EXOC2: variants seen among roughly 807,000 people sequenced by gnomAD.
The protein encoded by EXOC2 is SEC5-like 1.
EXOC2 carries 70 observed loss-of-function variants against 131.8 expected under a neutral mutation model. The ratio of observed to expected loss-of-function variants is 0.53; its 90% CI spans 0.44 to 0.65. The LOEUF (loss-of-function observed/expected upper bound fraction) is 0.65. Ranked by LOEUF, EXOC2 falls within the 30% of genes least tolerant of loss-of-function variation. EXOC2 has a pLI of 0.00. For synonymous variants in EXOC2, 411 were observed against 398.4 expected (o/e 1.03, Z -0.38); for missense variants, 923 against 1,108.6 (o/e 0.83, Z 2.38).
At chr6:572,322 C>T (rs1239544043) in intron 13 of EXOC2, among the ~76,000 whole-genome samples, 198 bp downstream of exon 13, 3 of 152,210 alleles carry the variant, frequency 2.0e-5, no homozygotes, top group Non-Finnish European at 4.4e-5. Context: ...TCTTTTTGTA[C>T]ATGAGGAAAA....
At chr6:499,726 G>A (rs776409259) in intron 23 of EXOC2, 26 bp from the exon 24 acceptor site, 2 of 1,601,068 alleles carry the variant, frequency 1.2e-6, no homozygotes, top group East Asian at 2.2e-5. Context: ...AGGAGAGAAA[G>A]AAGGCATTAA....
At chr6:643,066 G>A (rs554304945) in intron 1 of EXOC2, among the ~76,000 whole-genome samples, 2 of 152,102 alleles carry the variant, frequency 1.3e-5, no homozygotes, top group Non-Finnish European at 2.9e-5. Flanking sequence ...TCATCAGAAA[G>A]ACATAACAAT....
intron 22 of EXOC2, among the ~76,000 whole-genome samples, chr6:538,636 A>G (rs1341587799): frequency 2.6e-5 from 4 of 152,200 alleles, no homozygotes; most frequent in South Asian, 4.1e-4. Context: ...TTTAAAAAAG[A>G]TAACAATTTA....
intron 1 of EXOC2, among the ~76,000 whole-genome samples, chr6:639,846 A>G (rs1150886): frequency 0.71 from 107,716 of 152,026 alleles, 38,803 homozygotes; most frequent in Middle Eastern, 0.88. Context: ...GGGCAGACAC[A>G]TTTCTTTAAT....
rs1453642858 is a variant in EXOC2 at position 576,887 on chromosome 6, G to C, written c.1193-5C>G. On this transcript the variant is annotated splice_region_variant and splice_polypyrimidine_tract_variant and intron_variant, in intron 11 of 27. Transcript: ENST00000230449. ...GACTGTGCAGGCCTGGGTTACCTGG[G>C]GAAGAAAGGAGAGATATACAGAGTA... The C allele has an allele frequency of 6.2e-6, 10 of 1,613,620 alleles. No individual in the cohort carries two copies. The highest frequency in any genetic ancestry group is 8.5e-6 in the Non-Finnish European group (10 of 1,179,792).
chr6:590,469 T>C (rs1027328297), intron 11 of EXOC2, among the ~76,000 whole-genome samples: 6 of 152,104 alleles, frequency 3.9e-5, no homozygotes, highest in African/African-American at 1.4e-4. Flanking sequence ...AACGGCGACC[T>C]CTCCATTGTA....
intron 1 of EXOC2, among the ~76,000 whole-genome samples, chr6:643,310 T>C (rs1339915177): frequency 1.3e-5 from 2 of 151,726 alleles, no homozygotes; most frequent in Admixed American, 6.6e-5. Context: ...TTCACCAAGA[T>C]AGACGATATG....
chr6:691,110 T>A (rs949187244), intron 1 of EXOC2, among the ~76,000 whole-genome samples: 4 of 152,248 alleles, frequency 2.6e-5, no homozygotes, highest in Non-Finnish European at 4.4e-5. Context: ...CAGCACTTCC[T>A]GTATGGCCTA....
intron 1 of EXOC2, among the ~76,000 whole-genome samples, chr6:665,079 A>C (rs1763580695): frequency 6.6e-6 from 1 of 152,210 alleles, no homozygotes; most frequent in Non-Finnish European, 1.5e-5. Context: ...AAGTCAAACA[A>C]ATCTGTAAGA....
chr6:600,110 C>T (rs536084466), intron 7 of EXOC2, among the ~76,000 whole-genome samples: 34 of 152,320 alleles, frequency 2.2e-4, no homozygotes, highest in Middle Eastern at 3.4e-3. Context: ...TTGCCTCAGT[C>T]TCACTGGGTG....
intron 1 of EXOC2, among the ~76,000 whole-genome samples, chr6:683,490 C>T (rs1336634307): frequency 6.6e-6 from 1 of 152,170 alleles, no homozygotes; most frequent in Non-Finnish European, 1.5e-5. Context: ...ATGAAATAAA[C>T]CAATATCACC....
In EXOC2 at chr6:506,070, C is replaced by G. The variant is rs149482921; in HGVS notation, c.2381-6370G>C. On this transcript the variant is annotated intron_variant, in intron 23 of 27. Transcript: ENST00000230449. This position sits in a 1 kb window ranked among gnomAD's most constrained non-coding sequence, Gnocchi z 4.4. ...TTCCTTGGGAAAGCATACAATCTCT[C>G]GCTTCTCACAAAGACAGTCCTTTTG... 6.6e-6 allele frequency among the ~76,000 whole-genome samples: 1 copy of G among 152,210 alleles called. No individual in the cohort carries two copies. Among genetic ancestry groups the G allele is most frequent in the Non-Finnish European group, 1.5e-5 (1 of 68,020 alleles).
chr6:622,310 G>A (rs1761333494), intron 4 of EXOC2, among the ~76,000 whole-genome samples: 1 of 152,146 alleles, frequency 6.6e-6, no homozygotes, highest in Admixed American at 6.5e-5. Context: ...CTTCACACCT[G>A]ATTTAAGTAC....
rs1764542704 is a variant in EXOC2 at position 506,466 on chromosome 6, CATT to C, written c.2381-6769_2381-6767del. Among the ~76,000 whole-genome samples, 1 of 152,298 alleles carries C rather than the reference CATT, an allele frequency of 6.6e-6. No individual in the cohort carries two copies. Among genetic ancestry groups the C allele is most frequent in the Non-Finnish European group, 1.5e-5 (1 of 68,026 alleles). ...ATTTGCTCCTTGGAGTTAAAGGCTA[CATT>C]ATTATGCTGCAGTAATAAGTACTGT... On this transcript the variant is annotated intron_variant, in intron 23 of 27. Transcript: ENST00000230449. The surrounding 1 kb of genome is among the most constrained non-coding windows in gnomAD (Gnocchi z 4.4).
At chr6:611,768 G>C (rs138605660) in intron 6 of EXOC2, among the ~76,000 whole-genome samples, 4 of 152,270 alleles carry the variant, frequency 2.6e-5, no homozygotes, top group Non-Finnish European at 5.9e-5. Context: ...CATGATCATA[G>C]GTTTGTTATT....
At chr6:594,427 C>T (rs942810970) in intron 10 of EXOC2, among the ~76,000 whole-genome samples, 13 of 152,210 alleles carry the variant, frequency 8.5e-5, no homozygotes, top group Non-Finnish European at 1.6e-4. Context: ...ACCTCTGCAA[C>T]GCTTTCTCCT....
chr6:606,952 G>A (rs1207642662), intron 7 of EXOC2, among the ~76,000 whole-genome samples: 1 of 152,216 alleles, frequency 6.6e-6, no homozygotes, highest in Non-Finnish European at 1.5e-5. Flanking sequence ...GTCACTGGGA[G>A]ATAAGGAGGT....
chr6:637,579 T>C, intron 2 of EXOC2, 122 bp downstream of exon 2: 3 of 721,346 alleles, frequency 4.2e-6, no homozygotes, highest in Non-Finnish European at 6.8e-6. Context: ...TTTGGAGCAT[T>C]CTGTAGAGAT....
chr6:678,392 T>G (rs973955323), intron 1 of EXOC2, among the ~76,000 whole-genome samples: 1 of 152,252 alleles, frequency 6.6e-6, no homozygotes, highest in African/African-American at 2.4e-5. Flanking sequence ...TCTGCAAACT[T>G]TAAAGGCCAA....
Sources: allele counts gnomAD v4.1 joint callset (sites outside exome capture counted in the v4.1 genomes callset), GRCh38; gene constraint gnomAD v4.1.1; non-coding constraint Gnocchi (gnomAD v3.1); transcripts MANE v1.5; gene names NCBI Gene and HGNC (gene_info 2026-07-23, HGNC 2026-07-21).